Variants in CROT observed in about 807,000 individuals in gnomAD.
The protein encoded by CROT is carnitine O-octanoyltransferase.
CROT carries 84 observed loss-of-function variants against 89.2 expected under a neutral mutation model. The ratio of observed to expected loss-of-function variants is 0.94; its 90% CI spans 0.79 to 1.13. CROT has a LOEUF of 1.13. Among genes scored for constraint, CROT ranks in the 50% most tolerant of loss-of-function variants. The probability of loss-of-function intolerance (pLI) is 0.00; values close to 1 mark genes in which losing one functional copy is unlikely to be tolerated. For missense variants in CROT, 711 were observed against 727.8 expected, an observed-to-expected ratio of 0.98 and a Z score of 0.27; for synonymous variants, 212 against 239.5, an observed-to-expected ratio of 0.89 and a Z score of 1.06.
rs567523195 is a variant in CROT at position 87,356,974 on chromosome 7, A to G, written c.116-2232A>G. Among the ~76,000 whole-genome samples the G allele has an allele frequency of 1.2e-4, 18 of 152,288 alleles. No individual in the cohort carries two copies. The South Asian group carries it at 3.3e-3, about 28-fold the overall frequency. On this transcript the variant is annotated intron_variant, in intron 3 of 17. Transcript: ENST00000331536. ...GAGGCGGAGGTTGCTGTGAGCCAAG[A>G]TTGCACCATTGCACTCCAGCCTGGG...
At chr7:87,349,869 G>A (rs1232258922) in intron 3 of CROT, among the ~76,000 whole-genome samples, 1 of 152,154 alleles carries the variant, frequency 6.6e-6, no homozygotes, top group Non-Finnish European at 1.5e-5. Context: ...CCTTCCTGGA[G>A]GCAGTAGATG....
chr7:87,391,022 G>T (rs533045759), intron 13 of CROT, among the ~76,000 whole-genome samples: 1 of 152,284 alleles, frequency 6.6e-6, no homozygotes, highest in African/African-American at 2.4e-5. Context: ...GTTTTCATCT[G>T]CTCTCCTGAG....
At chr7:87,380,118 A>G (rs1426050189) in intron 10 of CROT, among the ~76,000 whole-genome samples, 2 of 152,150 alleles carry the variant, frequency 1.3e-5, no homozygotes, top group Non-Finnish European at 2.9e-5. Context: ...CCCAAAAATA[A>G]TAATAAGAAG....
At position 87,349,142 on chromosome 7, in the gene CROT, T is replaced by C. The variant is rs143103247; in HGVS notation, c.74T>C (p.Val25Ala). 1,830 of 1,604,106 alleles carry C rather than the reference T, an allele frequency of 1.1e-3. 35 individuals are homozygous for C. The Admixed American group carries it at 0.03, about 26-fold the overall frequency. The change falls in exon 3 of 18, where the codon GTT (valine) becomes GCT (alanine). Residue 25 changes from valine to alanine, a missense_variant. By Grantham distance (64) the Val-to-Ala change is moderately conservative. Transcript: ENST00000331536. The stretch of plus-strand genomic sequence containing the variant: ...CAGGATTCTCTTCCATCACTGCCTG[T>C]TCCTTCACTTGAAGAATCATTAAAA... ...QYQDSLPSLP[V>A]PSLEESLKKY... is the part of the protein sequence containing the mutation.
chr7:87,382,320 G>C, intron 12 of CROT, 93 bp from the exon 13 acceptor site: 2 of 1,447,212 alleles, frequency 1.4e-6, no homozygotes, highest in African/African-American at 1.4e-5. Flanking sequence ...CTTTATGTCT[G>C]GTGATTACTT....
chr7:87,365,137 A>C (rs758930022), intron 6 of CROT, among the ~76,000 whole-genome samples: 1 of 152,140 alleles, frequency 6.6e-6, no homozygotes. Context: ...GAGGGGCTGA[A>C]GGATTAAAGT....
intron 4 of CROT, among the ~76,000 whole-genome samples, chr7:87,360,750 C>A (rs746195791): frequency 2.0e-5 from 3 of 152,014 alleles, no homozygotes; most frequent in Non-Finnish European, 4.4e-5. Context: ...ATCTATTATG[C>A]CCCAAGTACT....
chr7:87,354,256 C>T (rs1044659623), intron 3 of CROT: 19 of 398,996 alleles, frequency 4.8e-5, no homozygotes, highest in Non-Finnish European at 9.4e-5. Flanking sequence ...CTAATAAAGA[C>T]AGCATAGGAA....
chr7:87,346,807 A>G (rs772974509), intron 2 of CROT, among the ~76,000 whole-genome samples: 1 of 152,244 alleles, frequency 6.6e-6, no homozygotes, highest in Non-Finnish European at 1.5e-5. Flanking sequence ...AAATGCAACA[A>G]TTAAAACAAC....
At chr7:87,374,110 A>G (rs543696053) in intron 7 of CROT, among the ~76,000 whole-genome samples, 1 of 152,144 alleles carries the variant, frequency 6.6e-6, no homozygotes, top group South Asian at 2.1e-4. Flanking sequence ...TAGAATATTT[A>G]AAAAAATATA....
Position 87,381,942 on chromosome 7 carries a change from C to T in CROT, c.1011C>T (p.Asn337=), listed in dbSNP as rs1184894383. The T allele has an allele frequency of 1.2e-6, 2 of 1,610,484 alleles. No individual in the cohort carries two copies. The highest frequency in any genetic ancestry group is 1.3e-5 in the African/African-American group (1 of 74,824). The change falls in exon 11 of 18, where the codon AAC becomes AAT. Residue 337 remains asparagine, a synonymous_variant. Transcript: ENST00000331536. ...CTTTTGATGCAATGATTATGGTGAA[C>T]ATCAGTTATTATGTGGATGAGAAAA... ...HAPFDAMIMV[N]ISYYVDEKIF...
chr7:87,392,738 C>A lies in CROT; in HGVS notation c.1513C>A (p.Arg505Ser), dbSNP rs374151013. 1 of 1,613,238 alleles carries A rather than the reference C, an allele frequency of 6.2e-7. No individual in the cohort carries two copies. The highest frequency in any genetic ancestry group is 1.1e-5 in the South Asian group (1 of 90,944). Residue 505 changes from arginine (R) to serine (S), a missense_variant, in exon 16 of 18, where the codon CGT (arginine) becomes AGT (serine). By Grantham distance (110) the Arg-to-Ser change is moderately radical. Coordinates refer to ENST00000331536, the MANE Select transcript of CROT (RefSeq NM_021151.4). The stretch of plus-strand genomic sequence containing the variant: ...TTGGGGTTTCATTGCAGGATTTGAT[C>A]GTCACCTTTTAGGTCTCTTACTCAT... ...KDCSAGKGFD[R>S]HLLGLLLIAK... is the part of the protein sequence containing the mutation.
chr7:87,381,379 A>G (rs1006392709), intron 10 of CROT, among the ~76,000 whole-genome samples: 2 of 152,180 alleles, frequency 1.3e-5, no homozygotes, highest in Non-Finnish European at 2.9e-5. Flanking sequence ...TCTTTCCCAC[A>G]TTTCTTAAAC....
At chr7:87,370,405 A>C (rs1584633306) in intron 7 of CROT, among the ~76,000 whole-genome samples, 1 of 151,920 alleles carries the variant, frequency 6.6e-6, no homozygotes, top group South Asian at 2.1e-4. Flanking sequence ...CTGGTCTTGA[A>C]CTCCTGGCCT....
intron 3 of CROT, among the ~76,000 whole-genome samples, 195 bp downstream of exon 3, chr7:87,349,378 G>A (rs1805800648): frequency 6.6e-6 from 1 of 152,118 alleles, no homozygotes; most frequent in Admixed American, 6.5e-5. Context: ...CTCCATTATA[G>A]AGTAGGACAT....
intron 7 of CROT, among the ~76,000 whole-genome samples, chr7:87,370,078 A>G (rs1806583317): frequency 6.6e-6 from 1 of 152,124 alleles, no homozygotes; most frequent in Non-Finnish European, 1.5e-5. Flanking sequence ...TTTGAAGATA[A>G]TCTGACATAA....
At chr7:87,368,353 T>G (rs1806517808) in intron 6 of CROT, among the ~76,000 whole-genome samples, 1 of 152,084 alleles carries the variant, frequency 6.6e-6, no homozygotes, top group Admixed American at 6.6e-5. Flanking sequence ...CCCTAAACTT[T>G]GAAAGGGGTG....
chr7:87,360,315 C>G (rs1340947098), intron 4 of CROT, among the ~76,000 whole-genome samples: 2 of 152,084 alleles, frequency 1.3e-5, no homozygotes, highest in Non-Finnish European at 2.9e-5. Context: ...ACTTTGAAGC[C>G]TACTGAAAAC....
At chr7:87,388,231 A>G (rs1213488412) in intron 13 of CROT, among the ~76,000 whole-genome samples, 3 of 152,132 alleles carry the variant, frequency 2.0e-5, no homozygotes, top group Admixed American at 6.6e-5. Flanking sequence ...TGCTATCTCC[A>G]TCAAGCTACT....
Sources: allele counts gnomAD v4.1 joint callset (sites outside exome capture counted in the v4.1 genomes callset), GRCh38; gene constraint gnomAD v4.1.1; transcripts MANE v1.5; gene names NCBI Gene and HGNC (gene_info 2026-07-23, HGNC 2026-07-21).